ABCG1: variants seen among roughly 807,000 people sequenced by gnomAD.
The protein encoded by ABCG1 is ATP-binding cassette sub-family G member 1.
A neutral mutation model predicts 69.2 loss-of-function variants in ABCG1; 29 were observed. The observed-to-expected ratio is 0.42, with a 90% CI of 0.31 to 0.57. The LOEUF (loss-of-function observed/expected upper bound fraction) is 0.57. Ranked by LOEUF, ABCG1 falls within the 20% of genes least tolerant of loss-of-function variation. ABCG1 has a pLI of 0.15. For missense variants in ABCG1, 718 were observed against 898.1 expected, an observed-to-expected ratio of 0.80 and a Z score of 2.56; for synonymous variants, 370 against 374.8, an observed-to-expected ratio of 0.99 and a Z score of 0.15.
Position 42,273,123 on chromosome 21 carries a change from G to A in ABCG1, c.405-180G>A, listed in dbSNP as rs902216326. 6.6e-6 allele frequency among the ~76,000 whole-genome samples: 1 copy of A among 152,124 alleles called. No homozygotes were observed. The highest frequency in any genetic ancestry group is 2.4e-5 in the African/African-American group (1 of 41,422). On this transcript the variant is annotated intron_variant, in intron 3 of 14. Transcript: ENST00000398449. The surrounding 1 kb of genome is among the most constrained non-coding windows in gnomAD (Gnocchi z 5.3). Reference sequence around the variant, plus strand: ...TTTCTCTGTGGAATGTCTTCCTCCCGATCGCTGCAGTGCTAGCGAGGTCCG... The same window carrying A: ...TTTCTCTGTGGAATGTCTTCCTCCCAATCGCTGCAGTGCTAGCGAGGTCCG...
intron 8 of ABCG1, among the ~76,000 whole-genome samples, chr21:42,286,501 C>T (rs933312789): frequency 5.3e-5 from 8 of 152,186 alleles, no homozygotes; most frequent in Admixed American, 2.6e-4. Flanking sequence ...ACATTGTTCA[C>T]GGACGTGCCT....
chr21:42,290,683 T>C (rs1170295721), intron 11 of ABCG1, among the ~76,000 whole-genome samples: 1 of 152,216 alleles, frequency 6.6e-6, no homozygotes, highest in Non-Finnish European at 1.5e-5. Context: ...TCCAGAACTT[T>C]AGCATAAATA....
At position 42,220,698 on chromosome 21, in the gene ABCG1, C is replaced by T. The variant is rs552635485; in HGVS notation, c.42+1394C>T. On this transcript the variant is annotated intron_variant, in intron 1 of 14. Coordinates refer to ENST00000398449, the MANE Select transcript of ABCG1 (RefSeq NM_016818.3). ...GAGGCAGTGAACAAAACGGAAAAGC[C>T]GTTTCCCTCCCGGTGACACTTGCTT... 2.6e-5 allele frequency among the ~76,000 whole-genome samples: 4 copies of T among 152,344 alleles called. No homozygotes were observed. In the East Asian group the frequency reaches 5.8e-4, roughly 22 times the overall value.
chr21:42,283,900 C>T (rs2068875984), intron 6 of ABCG1, among the ~76,000 whole-genome samples: 1 of 5,314 alleles, frequency 1.9e-4, no homozygotes, highest in Non-Finnish European at 4.0e-4. Flanking sequence ...TGCAAAGTCC[C>T]CCCGCCCAGA....
chr21:42,219,267 CCTGT>C lies in ABCG1; in HGVS notation c.9_12del (p.Cys3Ter). On this transcript the variant is annotated frameshift_variant, in exon 1 of 15. Coordinates refer to ENST00000398449, the MANE Select transcript of ABCG1 (RefSeq NM_016818.3). LOFTEE classifies it high-confidence loss of function. The surrounding 1 kb of genome is among the most constrained non-coding windows in gnomAD (Gnocchi z 5.3). The stretch of plus-strand genomic sequence containing the variant: ...CGCCGCCGCCGCCCCCGGGGCATGG[CCTGT>C]CTGATGGCCGCTTTCTCGGTCGGCA... The C allele has an allele frequency of 1.3e-6, 2 of 1,582,382 alleles. No individual in the cohort carries two copies. The highest frequency in any genetic ancestry group is 1.7e-6 in the Non-Finnish European group (2 of 1,170,646).
chr21:42,274,489 T>G (rs1406863411), intron 4 of ABCG1, among the ~76,000 whole-genome samples: 4 of 150,214 alleles, frequency 2.7e-5, no homozygotes, highest in Non-Finnish European at 5.9e-5. Context: ...TTTTTTTTTT[T>G]TTGGGGACAG....
In ABCG1 at chr21:42,245,492, G is replaced by T. The variant is rs182574055; in HGVS notation, c.286+19578G>T. Among the ~76,000 whole-genome samples the T allele has an allele frequency of 1.8e-3, 278 of 152,338 alleles. 1 individual carries two copies. Among genetic ancestry groups the T allele is most frequent in the Middle Eastern group, 3.4e-3 (1 of 294 alleles). On this transcript the variant is annotated intron_variant, in intron 2 of 14. Coordinates refer to ENST00000398449, the MANE Select transcript of ABCG1 (RefSeq NM_016818.3). ...AACCCCAGTGAAGTGTTCTTGAAGG[G>T]TGGGTGCGGCCACACATCCTGCAAT...
intron 2 of ABCG1, among the ~76,000 whole-genome samples, chr21:42,268,388 T>TGTGTGTGTGTGTGCGC (rs57264459): frequency 9.1e-6 from 1 of 110,106 alleles, no homozygotes; most frequent in Non-Finnish European, 2.2e-5. Flanking sequence ...TGTGTGTGTG[T>TGTGTGTGTGTGTGCGC]GCGCGCGCGC....
chr21:42,284,493 C>A, intron 6 of ABCG1, 67 bp from the exon 7 acceptor site: 2 of 1,583,262 alleles, frequency 1.3e-6, no homozygotes, highest in South Asian at 2.2e-5. Flanking sequence ...CCCTGGACCC[C>A]CGGAACCTGG....
chr21:42,201,515 G>A, intron 1 of ABCG1: 3 of 1,146,226 alleles, frequency 2.6e-6, no homozygotes, highest in Non-Finnish European at 3.7e-6. Flanking sequence ...ATGACAGGGT[G>A]AGCTACCCTG....
intron 2 of ABCG1, chr21:42,260,190 A>C: frequency 6.5e-7 from 1 of 1,549,704 alleles, no homozygotes; most frequent in Non-Finnish European, 8.7e-7. Context: ...CGTGGCCCTA[A>C]AGGCATTCAG....
At chr21:42,277,468 AT>A (rs34761716) in intron 5 of ABCG1, among the ~76,000 whole-genome samples, 78 of 149,282 alleles carry the variant, frequency 5.2e-4, no homozygotes, top group East Asian at 3.3e-3. Flanking sequence ...CCCTTTAGCC[AT>A]TTTTTTTTTG....
intron 2 of ABCG1, chr21:42,256,441 A>G (rs2123670040): frequency 6.5e-7 from 1 of 1,549,238 alleles, no homozygotes; most frequent in Non-Finnish European, 8.7e-7. Context: ...CAGAGTATCC[A>G]GAGGCCGCAG....
intron 1 of ABCG1, among the ~76,000 whole-genome samples, chr21:42,221,760 G>A (rs1280896622): frequency 6.6e-6 from 1 of 152,232 alleles, no homozygotes; most frequent in African/African-American, 2.4e-5. Context: ...TAACTGTGCT[G>A]CTGACTGGCT....
chr21:42,296,216 C>T lies in ABCG1; in HGVS notation c.1825C>T (p.Leu609=), dbSNP rs2069206664. ...LSIYGLDRED[L]HCDIDETCHF... ...CATCTATGGCTTAGACCGGGAAGATCTGCACTGTGACATCGACGAGACGTG... is the reference window on the plus strand; with the variant it reads ...CATCTATGGCTTAGACCGGGAAGATTTGCACTGTGACATCGACGAGACGTG... The change falls in exon 15 of 15, where the codon CTG becomes TTG. Residue 609 remains leucine (L), a synonymous_variant. Coordinates refer to ENST00000398449, the MANE Select transcript of ABCG1 (RefSeq NM_016818.3). The surrounding 1 kb of genome is among the most constrained non-coding windows in gnomAD (Gnocchi z 5.4). 3 of 1,614,154 alleles carry T rather than the reference C, an allele frequency of 1.9e-6. No homozygotes were observed. Among genetic ancestry groups the T allele is most frequent in the Non-Finnish European group, 2.5e-6 (3 of 1,180,032 alleles).
upstream of ABCG1, chr21:42,219,032 C>T (rs919500710): frequency 1.6e-5 from 4 of 242,848 alleles, no homozygotes; most frequent in Non-Finnish European, 3.1e-5. This position sits in a 1 kb window ranked among gnomAD's most constrained non-coding sequence, Gnocchi z 5.3. Context: ...AGGAGCAAAA[C>T]AAGAGCACGC....
chr21:42,215,956 T>G, upstream of ABCG1: 1 of 256,310 alleles, frequency 3.9e-6, no homozygotes, highest in South Asian at 3.6e-5. Flanking sequence ...TCATCTTGAA[T>G]TGTAGCTCCC....
upstream of ABCG1, among the ~76,000 whole-genome samples, chr21:42,216,945 C>G (rs566392223): frequency 4.1e-4 from 63 of 152,318 alleles, no homozygotes; most frequent in Non-Finnish European, 2.2e-4. Flanking sequence ...ACTGTACAGA[C>G]AGATAAGTGA....
chr21:42,266,795 C>T (rs2068513205), intron 2 of ABCG1, among the ~76,000 whole-genome samples: 2 of 152,282 alleles, frequency 1.3e-5, no homozygotes, highest in South Asian at 2.1e-4. Context: ...GTCCGGTTCT[C>T]TTTTACAGAT....
Sources: gnomAD v4.1 joint callset for allele counts (sites outside exome capture counted in the v4.1 genomes callset) on GRCh38, gnomAD v4.1.1 for gene constraint, Gnocchi (gnomAD v3.1) non-coding constraint, MANE v1.5 for transcripts, NCBI Gene and HGNC (gene_info 2026-07-23, HGNC 2026-07-21) for gene names.